The following REDIC1 variants were observed in gnomAD, a reference collection of about 807,000 sequenced individuals.
The protein encoded by REDIC1 is regulator of DNA class I crossover intermediates 1.
chr12:39,794,145 A>C, the REDIC1 span, among the ~76,000 whole-genome samples: 6 of 150,874 alleles, frequency 4.0e-5, no homozygotes, highest in Admixed American at 6.6e-5. Context: ...AAAAAAAAAA[A>C]AAAACCAAAA....
the REDIC1 span, among the ~76,000 whole-genome samples, chr12:39,905,454 C>T: frequency 6.6e-6 from 1 of 152,110 alleles, no homozygotes; most frequent in Non-Finnish European, 1.5e-5. Flanking sequence ...AATGTATCAT[C>T]ATGATTTTAA....
chr12:39,796,509 T>C, the REDIC1 span, among the ~76,000 whole-genome samples: 1 of 152,090 alleles, frequency 6.6e-6, no homozygotes, highest in Non-Finnish European at 1.5e-5. Flanking sequence ...AGCAAGCTGC[T>C]TGCCCACTTT....
the REDIC1 span, among the ~76,000 whole-genome samples, chr12:39,711,092 G>T: frequency 6.6e-6 from 1 of 151,266 alleles, no homozygotes; most frequent in South Asian, 2.1e-4. Flanking sequence ...TCATACTTAT[G>T]ACTTTGCATC....
the REDIC1 span, chr12:39,756,028 TA>T: frequency 6.6e-6 from 1 of 151,974 alleles, no homozygotes; most frequent in Non-Finnish European, 1.5e-5. Flanking sequence ...ATAGCAGCAG[TA>T]TTGCTCACCT....
chr12:39,664,248 C>G, the REDIC1 span, among the ~76,000 whole-genome samples: 1 of 142,286 alleles, frequency 7.0e-6, no homozygotes, highest in African/African-American at 2.6e-5. Context: ...ACAACAGGCC[C>G]TGGTGTGTGA....
the REDIC1 span, chr12:39,830,255 T>C: frequency 1.2e-6 from 2 of 1,606,216 alleles, no homozygotes; most frequent in Non-Finnish European, 1.7e-6. Context: ...GTTACCGTCA[T>C]GTTGGCAGAG....
At chr12:39,701,377 G>C in the REDIC1 span, among the ~76,000 whole-genome samples, 1 of 152,166 alleles carries the variant, frequency 6.6e-6, no homozygotes, top group South Asian at 2.1e-4. Context: ...AATTCAACAA[G>C]AAGAGCTAAC....
chr12:39,821,739 G>C, the REDIC1 span, among the ~76,000 whole-genome samples: 1 of 152,082 alleles, frequency 6.6e-6, no homozygotes, highest in African/African-American at 2.4e-5. Flanking sequence ...GAAATGACAG[G>C]GATTGGTTCC....
the REDIC1 span, among the ~76,000 whole-genome samples, chr12:39,658,519 A>C: frequency 2.0e-5 from 3 of 152,186 alleles, no homozygotes; most frequent in African/African-American, 7.2e-5. Context: ...TGGACAAGGA[A>C]CATACTTTGT....
At chr12:39,899,059 C>T in the REDIC1 span, among the ~76,000 whole-genome samples, 4 of 152,024 alleles carry the variant, frequency 2.6e-5, no homozygotes, top group South Asian at 2.1e-4. Flanking sequence ...AGGAATGGTA[C>T]CAGTTCCTCC....
chr12:39,820,667 T>C, the REDIC1 span, among the ~76,000 whole-genome samples: 1 of 94,964 alleles, frequency 1.1e-5, no homozygotes, highest in South Asian at 3.3e-4. Flanking sequence ...ATGCTGCTCT[T>C]CTTTCTGTGA....
the REDIC1 span, among the ~76,000 whole-genome samples, chr12:39,672,472 G>T: frequency 6.6e-6 from 1 of 152,108 alleles, no homozygotes; most frequent in African/African-American, 2.4e-5. Flanking sequence ...TCAGGCTCTG[G>T]GTAGAGCATG....
chr12:39,827,206 G>A, the REDIC1 span, among the ~76,000 whole-genome samples: 3 of 151,856 alleles, frequency 2.0e-5, no homozygotes, highest in Non-Finnish European at 4.4e-5. Context: ...ATTTGTTTAC[G>A]TTTCTCAACT....
chr12:39,834,336 T>C, the REDIC1 span, among the ~76,000 whole-genome samples: 2 of 152,222 alleles, frequency 1.3e-5, no homozygotes, highest in East Asian at 3.9e-4. Context: ...CAAAGATTTC[T>C]ACATCCATAT....
the REDIC1 span, among the ~76,000 whole-genome samples, chr12:39,775,107 C>A: frequency 6.6e-6 from 1 of 152,160 alleles, no homozygotes; most frequent in Non-Finnish European, 1.5e-5. Flanking sequence ...ATGTACTTTT[C>A]TCTGTGCTTT....
the REDIC1 span, among the ~76,000 whole-genome samples, chr12:39,844,539 AAAAG>A: frequency 2.0e-5 from 3 of 152,084 alleles, no homozygotes; most frequent in Admixed American, 2.0e-4. Context: ...TTCTTTTTAG[AAAAG>A]AAAGCATTCA....
the REDIC1 span, among the ~76,000 whole-genome samples, chr12:39,680,633 C>A: frequency 1.3e-5 from 2 of 152,090 alleles, no homozygotes; most frequent in Non-Finnish European, 2.9e-5. Context: ...TGGGTTTCTA[C>A]CCAGAGGAAA....
At chr12:39,712,417 TAC>T in the REDIC1 span, among the ~76,000 whole-genome samples, 186 of 132,740 alleles carry the variant, frequency 1.4e-3, 1 homozygote, top group Middle Eastern at 6.9e-3. Context: ...CATACGTATA[TAC>T]ATACGTATAT....
chr12:39,907,565 T>C, the REDIC1 span: 1 of 152,120 alleles, frequency 6.6e-6, no homozygotes, highest in Admixed American at 6.6e-5. Flanking sequence ...AGAGTGATGT[T>C]TTAATGGAAA....
Sources: gnomAD v4.1 joint callset for allele counts (sites outside exome capture counted in the v4.1 genomes callset) on GRCh38, gnomAD v4.1.1 for gene constraint, MANE v1.5 for transcripts, NCBI Gene and HGNC (gene_info 2026-07-23, HGNC 2026-07-21) for gene names.